The following RNF38 variants were observed in gnomAD, a reference collection of about 807,000 sequenced individuals.
The protein encoded by RNF38 is ring finger protein 38.
RNF38 carries 15 observed loss-of-function variants against 67.2 expected under a neutral mutation model. The observed-to-expected ratio is 0.22, with a 90% CI of 0.15 to 0.34. The LOEUF is 0.34. RNF38 is among the 10% of genes least tolerant of loss of function. RNF38 has a pLI of 1.00. For synonymous variants in RNF38, 220 were observed against 218.8 expected (o/e 1.01, Z -0.05); for missense variants, 524 against 639.9 (o/e 0.82, Z 1.95).
chr9:36,457,682 TG>T (rs1389609522), intron 1 of RNF38, among the ~76,000 whole-genome samples: 1 of 151,998 alleles, frequency 6.6e-6, no homozygotes, highest in African/African-American at 2.4e-5. Context: ...CTGAGGCAGG[TG>T]GATCACTTGA....
intron 2 of RNF38, among the ~76,000 whole-genome samples, chr9:36,380,914 T>G (rs141572131): frequency 2.0e-5 from 3 of 152,190 alleles, no homozygotes; most frequent in African/African-American, 7.2e-5. Flanking sequence ...TCAAGAGGAA[T>G]AGAAGATAAG....
At chr9:36,453,381 A>ATT (rs571598885) in intron 1 of RNF38, among the ~76,000 whole-genome samples, 14 of 135,790 alleles carry the variant, frequency 1.0e-4, no homozygotes, top group East Asian at 2.1e-4. Context: ...TGTTCAGGTA[A>ATT]TTTTTTTTTT....
chr9:36,463,288 G>A (rs1839779114), intron 1 of RNF38, among the ~76,000 whole-genome samples: 1 of 152,134 alleles, frequency 6.6e-6, no homozygotes, highest in Non-Finnish European at 1.5e-5. Context: ...TTTGTTTCTT[G>A]CATGTAAGTC....
At position 36,338,357 on chromosome 9, in the gene RNF38, T is replaced by C. The variant is rs1484100589; in HGVS notation, c.*1395A>G. 2.0e-5 allele frequency: 3 copies of C among 152,232 alleles called. No homozygotes were observed. Among genetic ancestry groups the C allele is most frequent in the African/African-American group, 7.2e-5 (3 of 41,468 alleles). The allele number at this position is 152,232 out of a possible 1,614,324, so 9.4% of individuals were successfully genotyped here. ...ATCTTCATTTATACTGCAAGTATTC[T>C]GGACACCTGTTGTATTAAACTTTTC... On this transcript the variant is annotated 3_prime_UTR_variant, in exon 12 of 12. Transcript: ENST00000259605.
intron 1 of RNF38, among the ~76,000 whole-genome samples, chr9:36,455,291 G>A (rs1839561033): frequency 6.6e-6 from 1 of 150,996 alleles, no homozygotes; most frequent in Non-Finnish European, 1.5e-5. Context: ...CAAACTCCAG[G>A]CCTCCAGTGA....
intron 4 of RNF38, among the ~76,000 whole-genome samples, chr9:36,360,491 C>T (rs945046019): frequency 6.6e-6 from 1 of 152,066 alleles, no homozygotes. Context: ...TTATACTTAC[C>T]AATTTGGCAT....
exon 1 of RNF38, chr9:36,487,474 AGAC>A (rs911837769): frequency 6.1e-6 from 6 of 977,138 alleles, no homozygotes; most frequent in African/African-American, 1.8e-5. Flanking sequence ...CCGGCCTGGG[AGAC>A]GACGACTGAG....
At chr9:36,459,069 G>C (rs1482929277) in intron 1 of RNF38, among the ~76,000 whole-genome samples, 2 of 151,998 alleles carry the variant, frequency 1.3e-5, no homozygotes, top group Admixed American at 6.6e-5. Flanking sequence ...TTAGGTGGGC[G>C]TGGTAGTGCA....
At chr9:36,419,643 T>C (rs1423928262) in intron 2 of RNF38, among the ~76,000 whole-genome samples, 5 of 152,214 alleles carry the variant, frequency 3.3e-5, no homozygotes, top group Admixed American at 2.6e-4. Flanking sequence ...AAACTGACAT[T>C]AGCTGAGTTA....
chr9:36,365,933 G>A (rs191131839), intron 4 of RNF38, among the ~76,000 whole-genome samples: 2,260 of 152,138 alleles, frequency 0.015, 25 homozygotes, highest in Non-Finnish European at 0.02. Context: ...CCAAAGTGCT[G>A]GGATTACAGG....
intron 1 of RNF38, among the ~76,000 whole-genome samples, chr9:36,457,276 T>G (rs1253330941): frequency 6.6e-6 from 1 of 152,200 alleles, no homozygotes; most frequent in Non-Finnish European, 1.5e-5. Context: ...GAAACAACTA[T>G]CTTCAGAAAC....
At chr9:36,419,287 G>A (rs1458269859) in intron 2 of RNF38, among the ~76,000 whole-genome samples, 1 of 152,188 alleles carries the variant, frequency 6.6e-6, no homozygotes, top group Non-Finnish European at 1.5e-5. Flanking sequence ...CATCTTCCCT[G>A]AAGGCAGTAT....
At chr9:36,464,023 C>T (rs1587186453) in intron 1 of RNF38, among the ~76,000 whole-genome samples, 2 of 150,898 alleles carry the variant, frequency 1.3e-5, no homozygotes, top group Admixed American at 1.3e-4. Flanking sequence ...AAAAATTAGC[C>T]GGGCGTGGTG....
At chr9:36,455,450 T>G (rs1343083496) in intron 1 of RNF38, among the ~76,000 whole-genome samples, 5 of 152,136 alleles carry the variant, frequency 3.3e-5, no homozygotes, top group Non-Finnish European at 7.4e-5. Flanking sequence ...CAACTCTCAA[T>G]TATCTCCAGA....
chr9:36,355,469 A>G (rs1834031067), intron 6 of RNF38, among the ~76,000 whole-genome samples: 1 of 152,238 alleles, frequency 6.6e-6, no homozygotes, highest in Non-Finnish European at 1.5e-5. Context: ...CTATGTTAAC[A>G]GACTACCTCA....
At chr9:36,385,994 T>C (rs1836600661) in intron 2 of RNF38, among the ~76,000 whole-genome samples, 1 of 152,186 alleles carries the variant, frequency 6.6e-6, no homozygotes, top group Non-Finnish European at 1.5e-5. Context: ...GAAAATACTT[T>C]CCAAGAGTAC....
At chr9:36,358,139 C>T (rs1834264783) in intron 4 of RNF38, among the ~76,000 whole-genome samples, 197 bp from the exon 5 acceptor site, 1 of 151,984 alleles carries the variant, frequency 6.6e-6, no homozygotes, top group Non-Finnish European at 1.5e-5. Flanking sequence ...ATACTATTTC[C>T]ACAAAATTGG....
intron 1 of RNF38, among the ~76,000 whole-genome samples, chr9:36,450,333 G>A (rs916339101): frequency 7.2e-5 from 11 of 152,078 alleles, no homozygotes; most frequent in Non-Finnish European, 1.3e-4. Flanking sequence ...GCCACCAGGT[G>A]GCAAGAGAGC....
chr9:36,347,440 T>C (rs1833348118), intron 9 of RNF38, among the ~76,000 whole-genome samples: 5 of 152,164 alleles, frequency 3.3e-5, no homozygotes, highest in Admixed American at 6.5e-5. Context: ...TTTCCAACAG[T>C]CATGTAGTCA....
Sources: allele counts gnomAD v4.1 joint callset (sites outside exome capture counted in the v4.1 genomes callset), GRCh38; gene constraint gnomAD v4.1.1; transcripts MANE v1.5; gene names NCBI Gene and HGNC (gene_info 2026-07-23, HGNC 2026-07-21).